The following TAOK3 variants were observed in gnomAD, a reference collection of about 807,000 sequenced individuals.
TAOK3 encodes the protein serine/threonine-protein kinase TAO3.
TAOK3 carries 40 observed loss-of-function variants against 120.4 expected under a neutral mutation model. The observed-to-expected ratio is 0.33, with a 90% CI of 0.26 to 0.43. The LOEUF is 0.43. TAOK3 is among the 20% of genes least tolerant of loss of function. TAOK3 has a pLI of 1.00. For synonymous variants in TAOK3, 355 were observed against 387.5 expected (o/e 0.92, Z 0.99); for missense variants, 821 against 1,112.1 (o/e 0.74, Z 3.72).
At chr12:118,177,831 G>GA (rs2036444705) in intron 15 of TAOK3, among the ~76,000 whole-genome samples, 2 of 149,366 alleles carry the variant, frequency 1.3e-5, no homozygotes, top group African/African-American at 2.5e-5. Context: ...CTCAAAAAAA[G>GA]AAAAAAAAGA....
At position 118,181,620 on chromosome 12, in the gene TAOK3, A is replaced by G. The variant is rs780953041; in HGVS notation, c.1330-13T>C. 1 of 1,611,688 alleles carries G rather than the reference A, an allele frequency of 6.2e-7. No homozygotes were observed. ...TCTGTCGTGTAACCTGAATTGGGTT[A>G]GGAAACAGAACTCAGGTAACCAGGT... is the stretch of plus-strand genomic sequence containing the variant. On this transcript the variant is annotated splice_polypyrimidine_tract_variant and intron_variant, in intron 14 of 20. Coordinates refer to ENST00000392533, the MANE Select transcript of TAOK3 (RefSeq NM_016281.4).
At chr12:118,329,129 G>C (rs567758018) in intron 1 of TAOK3, among the ~76,000 whole-genome samples, 2 of 152,276 alleles carry the variant, frequency 1.3e-5, no homozygotes, top group Admixed American at 6.5e-5. Flanking sequence ...TTTGAGGAAG[G>C]GGGGCAGTTA....
chr12:118,243,626 A>G (rs945347798), intron 4 of TAOK3, 110 bp from the exon 5 acceptor site: 1 of 463,556 alleles, frequency 2.2e-6, no homozygotes, highest in African/African-American at 2.0e-5. Flanking sequence ...GACATAAAGT[A>G]AATGTTTAAT....
At chr12:118,237,951 A>T (rs965102849) in intron 7 of TAOK3, 122 bp downstream of exon 7, 3 of 597,796 alleles carry the variant, frequency 5.0e-6, no homozygotes, top group Admixed American at 5.3e-5. Context: ...CAGAAGCAGC[A>T]ATCTATTTGC....
intron 17 of TAOK3, among the ~76,000 whole-genome samples, chr12:118,166,102 A>G (rs1592999383): frequency 6.6e-6 from 1 of 152,340 alleles, no homozygotes; most frequent in East Asian, 1.9e-4. Context: ...TGAGGTGATA[A>G]GACTGTAAGG....
At chr12:118,324,734 CTTTTTTTTTTTTTTT>C (rs35462737) in intron 1 of TAOK3, among the ~76,000 whole-genome samples, 2 of 69,584 alleles carry the variant, frequency 2.9e-5, no homozygotes, top group African/African-American at 6.1e-5. Flanking sequence ...GAATTTCATT[CTTTTTTTTTTTTTTT>C]TTTTTTTTTT....
chr12:118,355,241 CAAAA>C (rs1173986835), intron 1 of TAOK3, among the ~76,000 whole-genome samples: 2 of 151,992 alleles, frequency 1.3e-5, no homozygotes, highest in African/African-American at 4.8e-5. Flanking sequence ...GTCACCAAAA[CAAAA>C]AAAATTTTTT....
chr12:118,305,105 A>C (rs1365436705), intron 1 of TAOK3, among the ~76,000 whole-genome samples: 1 of 152,186 alleles, frequency 6.6e-6, no homozygotes, highest in Non-Finnish European at 1.5e-5. Flanking sequence ...TATATCGAGC[A>C]CAGGATTGTT....
chr12:118,305,445 C>T (rs2043015717), intron 1 of TAOK3, among the ~76,000 whole-genome samples: 2 of 151,936 alleles, frequency 1.3e-5, no homozygotes, highest in Non-Finnish European at 2.9e-5. Flanking sequence ...TGCACTCCAG[C>T]CTGGGTGACA....
chr12:118,223,369 CAG>C (rs2039342840), intron 9 of TAOK3, among the ~76,000 whole-genome samples: 1 of 149,926 alleles, frequency 6.7e-6, no homozygotes, highest in African/African-American at 2.5e-5. Context: ...ATTTTTGAGG[CAG>C]AGTCTCGCTC....
In TAOK3 at chr12:118,315,120, G is replaced by A. The variant is rs548388715; in HGVS notation, c.-193-48361C>T. Among the ~76,000 whole-genome samples the A allele has an allele frequency of 4.6e-5, 7 of 152,032 alleles. No individual in the cohort carries two copies. The South Asian group carries it at 1.2e-3, about 27-fold the overall frequency. On this transcript the variant is annotated intron_variant, in intron 1 of 20. Transcript: ENST00000392533. ...TAACTTTTATACTTTTAGTAGAGAT[G>A]GGGTTTCACCATGTTGGTCATGGTG...
chr12:118,343,647 T>C (rs1441225855), intron 1 of TAOK3, among the ~76,000 whole-genome samples: 1 of 152,148 alleles, frequency 6.6e-6, no homozygotes, highest in African/African-American at 2.4e-5. Flanking sequence ...TTAAAGGAAG[T>C]ATTTAAAGTC....
At chr12:118,331,542 G>T (rs1002624963) in intron 1 of TAOK3, among the ~76,000 whole-genome samples, 4 of 151,448 alleles carry the variant, frequency 2.6e-5, no homozygotes, top group African/African-American at 9.7e-5. Context: ...CTACTTGGGG[G>T]GCTGAGGCAG....
chr12:118,196,352 CCTT>C (rs1286884730), intron 13 of TAOK3, among the ~76,000 whole-genome samples: 1 of 151,880 alleles, frequency 6.6e-6, no homozygotes, highest in African/African-American at 2.4e-5. Flanking sequence ...TTTTTAAGGT[CCTT>C]CTTTGAAAAA....
chr12:118,234,950 T>C (rs550309131), intron 8 of TAOK3, among the ~76,000 whole-genome samples: 1 of 152,222 alleles, frequency 6.6e-6, no homozygotes, highest in African/African-American at 2.4e-5. Context: ...GTAAATGTTA[T>C]TTGGTGATAG....
chr12:118,224,101 G>A (rs1462398225), intron 9 of TAOK3, among the ~76,000 whole-genome samples: 1 of 152,180 alleles, frequency 6.6e-6, no homozygotes, highest in Non-Finnish European at 1.5e-5. Flanking sequence ...GTCAAGATAG[G>A]TATTATTTTT....
chr12:118,166,320 G>A (rs2035578909), intron 17 of TAOK3, among the ~76,000 whole-genome samples: 1 of 152,104 alleles, frequency 6.6e-6, no homozygotes, highest in Non-Finnish European at 1.5e-5. Flanking sequence ...AGGTGGATCA[G>A]CTGAGGTCAG....
intron 13 of TAOK3, among the ~76,000 whole-genome samples, chr12:118,196,050 AAAAT>A (rs200676149): frequency 0.04 from 5,467 of 138,156 alleles, 129 homozygotes; most frequent in African/African-American, 0.05. Flanking sequence ...ACTCCATCTC[AAAAT>A]AAATAAATAA....
At chr12:118,216,328 C>T (rs1218132884) in intron 9 of TAOK3, among the ~76,000 whole-genome samples, 1 of 152,182 alleles carries the variant, frequency 6.6e-6, no homozygotes, top group Non-Finnish European at 1.5e-5. Flanking sequence ...TCCTCCCCAG[C>T]CCACCACGAT....
Sources: gnomAD v4.1 joint callset for allele counts (sites outside exome capture counted in the v4.1 genomes callset) on GRCh38, gnomAD v4.1.1 for gene constraint, MANE v1.5 for transcripts, NCBI Gene and HGNC (gene_info 2026-07-23, HGNC 2026-07-21) for gene names.